BRIP1: variants seen among roughly 807,000 people sequenced by gnomAD.
BRIP1 encodes Fanconi anemia group J protein.
Under a neutral mutation model 119.7 loss-of-function variants are expected in BRIP1, and 88 were observed. The ratio of observed to expected loss-of-function variants is 0.74; its 90% CI spans 0.62 to 0.88. The LOEUF is 0.88. BRIP1 is among the 40% of genes least tolerant of loss of function. The pLI, the probability that BRIP1 is intolerant of heterozygous loss-of-function variation, is 0.00. For synonymous variants in BRIP1, 443 were observed against 496.5 expected (o/e 0.89, Z 1.43); for missense variants, 1,259 against 1,455.4 (o/e 0.87, Z 2.20).
Position 61,807,965 on chromosome 17 carries a change from A to G in BRIP1, c.918+502T>C, listed in dbSNP as rs1259979088. On this transcript the variant is annotated intron_variant, in intron 7 of 19. Transcript: ENST00000259008. The surrounding 1 kb of genome is among the most constrained non-coding windows in gnomAD (Gnocchi z 4.5). ...ATCTTTTGAAAGTTAATAATTTAGT[A>G]TAACTTTTAAAAGAGGGGTTTGTAT... Among the ~76,000 whole-genome samples, 1 of 152,188 alleles carries G rather than the reference A, an allele frequency of 6.6e-6. No homozygotes were observed. Among genetic ancestry groups the G allele is most frequent in the Non-Finnish European group, 1.5e-5 (1 of 68,012 alleles).
intron 13 of BRIP1, among the ~76,000 whole-genome samples, chr17:61,777,090 G>A (rs780786822): frequency 6.6e-6 from 1 of 152,164 alleles, no homozygotes; most frequent in African/African-American, 2.4e-5. Flanking sequence ...TATATGTAGA[G>A]AGAGGGAGAG....
chr17:61,771,449 A>G (rs2077446619), intron 14 of BRIP1, among the ~76,000 whole-genome samples: 1 of 152,244 alleles, frequency 6.6e-6, no homozygotes, highest in Non-Finnish European at 1.5e-5. Flanking sequence ...TAATAAGCAC[A>G]TGAAAATATA....
intron 17 of BRIP1, among the ~76,000 whole-genome samples, chr17:61,711,372 G>A (rs1228814854): frequency 6.6e-6 from 1 of 151,750 alleles, no homozygotes; most frequent in East Asian, 1.9e-4. Flanking sequence ...ACTATTAGCT[G>A]AATATTAAAA....
At position 61,793,732 on chromosome 17, in the gene BRIP1, GAAATA is replaced by G. The variant is rs1555605965; in HGVS notation, c.1341-8_1341-4del. The G allele has an allele frequency of 4.4e-6, 7 of 1,608,010 alleles. No individual in the cohort carries two copies. Among genetic ancestry groups the G allele is most frequent in the Non-Finnish European group, 5.1e-6 (6 of 1,178,164 alleles). ...ATTCAGCGTTTGCTTCTAACCAACTGAAATAAAATAAAACAATTGTGTCAACCAGT... is the reference window on the plus strand; with the variant it reads ...ATTCAGCGTTTGCTTCTAACCAACTGAAATAAAACAATTGTGTCAACCAGT... On this transcript the variant is annotated splice_region_variant and splice_polypyrimidine_tract_variant and intron_variant, in intron 9 of 19. Transcript: ENST00000259008. The surrounding 1 kb of genome is among the most constrained non-coding windows in gnomAD (Gnocchi z 5.2).
chr17:61,708,742 G>A lies in BRIP1; in HGVS notation c.2492+7209C>T, dbSNP rs1042008550. On this transcript the variant is annotated intron_variant, in intron 17 of 19. Coordinates refer to ENST00000259008, the MANE Select transcript of BRIP1 (RefSeq NM_032043.3). The surrounding 1 kb of genome is among the most constrained non-coding windows in gnomAD (Gnocchi z 4.4). The stretch of plus-strand genomic sequence containing the variant: ...AAAACACTGATTGGCAGCTCTGAAT[G>A]TATGGGTAGAGCTTATAGGCTGGGA... Among the ~76,000 whole-genome samples the A allele has an allele frequency of 6.6e-6, 1 of 152,214 alleles. No homozygotes were observed. The highest frequency in any genetic ancestry group is 1.5e-5 in the Non-Finnish European group (1 of 68,052).
intron 6 of BRIP1, among the ~76,000 whole-genome samples, chr17:61,813,218 T>C (rs1375497458): frequency 6.6e-6 from 1 of 151,726 alleles, no homozygotes; most frequent in Admixed American, 6.6e-5. Flanking sequence ...AGAAACCTGT[T>C]TGAGTGAAAT....
rs1232942320 is a variant in BRIP1 at position 61,834,442 on chromosome 17, G to T, written c.627+12659C>A. ...AAACATAGTAGTGTTCTCTATGGTGGAAATGTTTACATATATACTCAGTTG... is the reference window on the plus strand; with the variant it reads ...AAACATAGTAGTGTTCTCTATGGTGTAAATGTTTACATATATACTCAGTTG... On this transcript the variant is annotated intron_variant, in intron 6 of 19. Coordinates refer to ENST00000259008, the MANE Select transcript of BRIP1 (RefSeq NM_032043.3). This position sits in a 1 kb window ranked among gnomAD's most constrained non-coding sequence, Gnocchi z 4.4. Among the ~76,000 whole-genome samples the T allele has an allele frequency of 1.3e-5, 2 of 151,988 alleles. No individual in the cohort carries two copies. The highest frequency in any genetic ancestry group is 4.1e-4 in the South Asian group (2 of 4,826).
At position 61,793,794 on chromosome 17, in the gene BRIP1, A is replaced by G; in HGVS notation, c.1341-65T>C. The G allele has an allele frequency of 6.6e-7, 1 of 1,512,748 alleles. No homozygotes were observed. Among genetic ancestry groups the G allele is most frequent in the Non-Finnish European group, 9.0e-7 (1 of 1,110,972 alleles). The allele number at this position is 1,512,748 out of a possible 1,614,324, so 93.7% of individuals were successfully genotyped here. A position where few individuals can be genotyped will look rare whatever the true frequency, so the allele number is the denominator to read the frequency against. On this transcript the variant is annotated intron_variant, in intron 9 of 19. Transcript: ENST00000259008. The surrounding 1 kb of genome is among the most constrained non-coding windows in gnomAD (Gnocchi z 5.2). ...CTTACACACACTATTTCAGCAGAAC[A>G]AGAGAATCATCATTATTGTCATGCG...
rs758032378 is a variant in BRIP1, at chr17:61,684,083, G to A, written c.2963C>T (p.Ser988Phe). The A allele has an allele frequency of 6.2e-7, 1 of 1,613,674 alleles. No individual in the cohort carries two copies. Among genetic ancestry groups the A allele is most frequent in the Non-Finnish European group, 8.5e-7 (1 of 1,179,872 alleles). The part of the protein sequence containing the change: ...GKAEKIVISR[S>F]TSPTFNKQTK... ...TTGTTTGTTGAAAGTTGGGCTTGTG[G>A]ATCTGGAAATCACAATTTTTTCTGC... is the stretch of plus-strand genomic sequence containing the variant. Residue 988 changes from serine (S) to phenylalanine (F), a missense_variant, in exon 20 of 20, where the codon TCC (serine) becomes TTC (phenylalanine). Coordinates refer to ENST00000259008, the MANE Select transcript of BRIP1 (RefSeq NM_032043.3). This position sits in a 1 kb window ranked among gnomAD's most constrained non-coding sequence, Gnocchi z 4.5.
rs1046077273 is a variant in BRIP1, at chr17:61,843,146, C to T, written c.627+3955G>A. On this transcript the variant is annotated intron_variant, in intron 6 of 19. Coordinates refer to ENST00000259008, the MANE Select transcript of BRIP1 (RefSeq NM_032043.3). The surrounding 1 kb of genome is among the most constrained non-coding windows in gnomAD (Gnocchi z 5.7). The stretch of plus-strand genomic sequence containing the variant: ...AAAATACTACATGATCTCACTTATA[C>T]GTGGAATCTAAAAAAGTCAAATACA... Among the ~76,000 whole-genome samples the T allele has an allele frequency of 2.0e-5, 3 of 151,952 alleles. No homozygotes were observed. The highest frequency in any genetic ancestry group is 7.3e-5 in the African/African-American group (3 of 41,364).
chr17:61,834,688 C>T lies in BRIP1; in HGVS notation c.627+12413G>A, dbSNP rs1038754451. Among the ~76,000 whole-genome samples the T allele has an allele frequency of 1.3e-5, 2 of 152,120 alleles. No homozygotes were observed. Among genetic ancestry groups the T allele is most frequent in the Admixed American group, 6.5e-5 (1 of 15,278 alleles). On this transcript the variant is annotated intron_variant, in intron 6 of 19. Transcript: ENST00000259008. The surrounding 1 kb of genome is among the most constrained non-coding windows in gnomAD (Gnocchi z 4.4). ...CTCAAAAGGCATTTGTACACTGGGG[C>T]TTGTTCTCTTGCTGCTCTTGGAACC...
chr17:61,739,063 T>C lies in BRIP1; in HGVS notation c.2379+3950A>G. 5.8e-6 allele frequency: 1 copy of C among 171,380 alleles called. No homozygotes were observed. Among genetic ancestry groups the C allele is most frequent in the Non-Finnish European group, 1.3e-5 (1 of 79,092 alleles). The allele number at this position is 171,380 out of a possible 1,614,324, so 10.6% of individuals were successfully genotyped here. A position where few individuals can be genotyped will look rare whatever the true frequency, so the allele number is the denominator to read the frequency against. ...TAGGCAAAAATGGAAATAATTAGTT[T>C]TAGGGAACAAAATTGTATTTTATTA... On this transcript the variant is annotated intron_variant, in intron 16 of 19. Coordinates refer to ENST00000259008, the MANE Select transcript of BRIP1 (RefSeq NM_032043.3). The surrounding 1 kb of genome is among the most constrained non-coding windows in gnomAD (Gnocchi z 6.0).
At chr17:61,737,564 CTT>C (rs1253956537) in intron 16 of BRIP1, among the ~76,000 whole-genome samples, 1 of 152,106 alleles carries the variant, frequency 6.6e-6, no homozygotes, top group Admixed American at 6.5e-5. Flanking sequence ...GAATTTTAAA[CTT>C]AACTTTTATA....
intron 14 of BRIP1, among the ~76,000 whole-genome samples, chr17:61,765,388 TATA>T (rs2077343426): frequency 5.7e-5 from 1 of 17,438 alleles, no homozygotes; most frequent in African/African-American, 2.1e-4. Context: ...ATTATATATA[TATA>T]TATATATATA....
intron 6 of BRIP1, among the ~76,000 whole-genome samples, chr17:61,818,717 A>T (rs547426856): frequency 6.6e-6 from 1 of 152,292 alleles, no homozygotes; most frequent in South Asian, 2.1e-4. Flanking sequence ...CTATTTCTTA[A>T]AAAGCAGATC....
chr17:61,784,196 T>C, intron 11 of BRIP1, 74 bp downstream of exon 11: 1 of 1,312,962 alleles, frequency 7.6e-7, no homozygotes, highest in Non-Finnish European at 1.1e-6. Context: ...AAAATAGGTA[T>C]GTATTAAACA....
rs1360285322 is a variant in BRIP1 at position 61,742,410 on chromosome 17, G to T, written c.2379+603C>A. Among the ~76,000 whole-genome samples, 1 of 152,146 alleles carries T rather than the reference G, an allele frequency of 6.6e-6. No individual in the cohort carries two copies. The highest frequency in any genetic ancestry group is 2.4e-5 in the African/African-American group (1 of 41,436). On this transcript the variant is annotated intron_variant, in intron 16 of 19. Transcript: ENST00000259008. The surrounding 1 kb of genome is among the most constrained non-coding windows in gnomAD (Gnocchi z 4.7). ...CTTTGCATTCACAATATGGCTAATT[G>T]GTTGGTGCAAGAGGCCTAGCTTTTG...
rs182384996 is a variant in BRIP1, at chr17:61,794,039, T to C, written c.1341-310A>G. 6.4e-4 allele frequency among the ~76,000 whole-genome samples: 97 copies of C among 152,310 alleles called. No individual in the cohort carries two copies. The East Asian group carries it at 9.0e-3, about 14-fold the overall frequency. On this transcript the variant is annotated intron_variant, in intron 9 of 19. Transcript: ENST00000259008. The surrounding 1 kb of genome is among the most constrained non-coding windows in gnomAD (Gnocchi z 4.3). Reference sequence around the variant, plus strand: ...CTTCAACTGAGAGCCAGGTCTTAGGTACTTATCCCAAATATATATAAAAGG... The same window carrying C: ...CTTCAACTGAGAGCCAGGTCTTAGGCACTTATCCCAAATATATATAAAAGG...
In BRIP1 at chr17:61,712,402, C is replaced by T. The variant is rs960472502; in HGVS notation, c.2492+3549G>A. Among the ~76,000 whole-genome samples the T allele has an allele frequency of 7.2e-5, 11 of 151,850 alleles. No homozygotes were observed. The East Asian group carries it at 1.2e-3, about 16-fold the overall frequency. ...CTAATTTTTGTATTTTTAGTAGAGA[C>T]GGGGTTTCACCACGTTGACCAGGCT... On this transcript the variant is annotated intron_variant, in intron 17 of 19. Coordinates refer to ENST00000259008, the MANE Select transcript of BRIP1 (RefSeq NM_032043.3).
Sources: allele counts gnomAD v4.1 joint callset (sites outside exome capture counted in the v4.1 genomes callset), GRCh38; gene constraint gnomAD v4.1.1; non-coding constraint Gnocchi (gnomAD v3.1); transcripts MANE v1.5; gene names NCBI Gene and HGNC (gene_info 2026-07-23, HGNC 2026-07-21).